NDUFA10: variants seen among roughly 807,000 people sequenced by gnomAD.
NDUFA10 encodes NADH:ubiquinone oxidoreductase subunit A10.
A neutral mutation model predicts 47.8 loss-of-function variants in NDUFA10; 40 were observed. That is an observed-to-expected ratio of 0.84 (90% CI 0.65 to 1.09). The LOEUF is 1.09. NDUFA10 is among the 50% of genes least tolerant of loss of function. The pLI is 0.00. For missense variants in NDUFA10, 413 were observed against 451.1 expected (o/e 0.92, Z 0.76); for synonymous variants, 183 against 172.2 (o/e 1.06, Z -0.49).
At chr2:239,981,449 C>T (rs1333820055) in intron 9 of NDUFA10, among the ~76,000 whole-genome samples, 2 of 152,090 alleles carry the variant, frequency 1.3e-5, no homozygotes, top group African/African-American at 4.8e-5. Context: ...GGGGGAATTA[C>T]CAACAAGGAA....
At chr2:240,024,290 A>T (rs921946470) in intron 1 of NDUFA10, among the ~76,000 whole-genome samples, 4 of 152,262 alleles carry the variant, frequency 2.6e-5, no homozygotes, top group Non-Finnish European at 4.4e-5. Flanking sequence ...GTGATTAAAA[A>T]GAAATGAGTT....
At position 239,964,236 on chromosome 2, in the gene NDUFA10, G is replaced by A. The variant is rs563272428; in HGVS notation, c.1000-3050C>T. On this transcript the variant is annotated intron_variant, in intron 9 of 9. Transcript: ENST00000252711. Reference sequence around the variant, plus strand: ...CTGGGAGATCATCTGGGTTATCTGGGTGGGCCCCAGGCCATCACTAGGGTC... The same window carrying A: ...CTGGGAGATCATCTGGGTTATCTGGATGGGCCCCAGGCCATCACTAGGGTC... Among the ~76,000 whole-genome samples, 9 of 152,298 alleles carry A rather than the reference G, an allele frequency of 5.9e-5. No homozygotes were observed. In the South Asian group the frequency reaches 1.9e-3, roughly 32 times the overall value.
intron 4 of NDUFA10, among the ~76,000 whole-genome samples, chr2:239,941,967 C>T (rs1694367352): frequency 6.6e-6 from 1 of 152,130 alleles, no homozygotes; most frequent in Non-Finnish European, 1.5e-5. Context: ...GAATTTTCTG[C>T]ACCAAAACAG....
chr2:239,935,610 C>T (rs1160958909), intron 4 of NDUFA10, among the ~76,000 whole-genome samples: 4 of 152,184 alleles, frequency 2.6e-5, no homozygotes, highest in Non-Finnish European at 2.9e-5. Flanking sequence ...CCACCCAAAT[C>T]TCATCTGGAA....
chr2:240,020,499 T>C (rs947096975), intron 3 of NDUFA10, among the ~76,000 whole-genome samples: 1 of 152,190 alleles, frequency 6.6e-6, no homozygotes, highest in African/African-American at 2.4e-5. Flanking sequence ...ATGATTACAG[T>C]AACCCGTCGC....
At chr2:240,017,125 A>T (rs984117616) in intron 4 of NDUFA10, among the ~76,000 whole-genome samples, 4 of 152,054 alleles carry the variant, frequency 2.6e-5, no homozygotes, top group Non-Finnish European at 4.4e-5. Flanking sequence ...TCCTCACCAA[A>T]TGCATCCTTC....
At chr2:239,955,844 C>T (rs1051788132), downstream of NDUFA10, among the ~76,000 whole-genome samples, 1 of 152,180 alleles carries the variant, frequency 6.6e-6, no homozygotes, top group East Asian at 1.9e-4. Flanking sequence ...GTGGGCACGG[C>T]TCTCAGCAGA....
chr2:239,996,165 A>T (rs1356790345), intron 8 of NDUFA10, among the ~76,000 whole-genome samples: 1 of 152,198 alleles, frequency 6.6e-6, no homozygotes, highest in Non-Finnish European at 1.5e-5. Context: ...ATCAGTAAGG[A>T]TACCGATGAC....
At chr2:239,905,388 G>A (rs551698589) in intron 4 of NDUFA10, among the ~76,000 whole-genome samples, 7 of 152,220 alleles carry the variant, frequency 4.6e-5, no homozygotes, top group Non-Finnish European at 8.8e-5. Flanking sequence ...GGCACCACAT[G>A]TGCTCCTGGG....
At chr2:239,929,698 T>C (rs1574785200) in intron 4 of NDUFA10, among the ~76,000 whole-genome samples, 2 of 126,912 alleles carry the variant, frequency 1.6e-5, no homozygotes, top group East Asian at 2.7e-4. Context: ...GCTCCTCCAC[T>C]GCTCTTGCTC....
intron 2 of NDUFA10, among the ~76,000 whole-genome samples, chr2:240,021,930 A>G (rs1697639405): frequency 6.6e-6 from 1 of 152,230 alleles, no homozygotes; most frequent in Non-Finnish European, 1.5e-5. Context: ...TAAAATTCCA[A>G]TTCAAATTGA....
At chr2:239,917,513 C>A (rs1027884087) in intron 4 of NDUFA10, among the ~76,000 whole-genome samples, 9 of 152,306 alleles carry the variant, frequency 5.9e-5, no homozygotes, top group African/African-American at 2.2e-4. Context: ...GATCCAGCCA[C>A]CTGGACACCA....
At chr2:240,020,198 TC>T (rs1697562456) in intron 3 of NDUFA10, among the ~76,000 whole-genome samples, 1 of 152,176 alleles carries the variant, frequency 6.6e-6, no homozygotes, top group Non-Finnish European at 1.5e-5. Context: ...AAAACCACAT[TC>T]TTGTTCTCAC....
At chr2:239,921,227 C>T (rs73101735) in intron 4 of NDUFA10, among the ~76,000 whole-genome samples, 13,562 of 151,794 alleles carry the variant, frequency 0.089, 658 homozygotes, top group Admixed American at 0.13. Context: ...CTGCTGTGTC[C>T]AGAGCTGCTT....
rs112717235 is a variant in NDUFA10, at chr2:239,960,662, A to C, written c.*456T>G. 2.4e-5 allele frequency: 26 copies of C among 1,087,288 alleles called. No individual in the cohort carries two copies. The African/African-American group carries it at 3.9e-4, about 16-fold the overall frequency. The allele number at this position is 1,087,288 out of a possible 1,614,324, so 67.4% of individuals were successfully genotyped here. A position where few individuals can be genotyped will look rare whatever the true frequency, so the allele number is the denominator to read the frequency against. On this transcript the variant is annotated 3_prime_UTR_variant, in exon 10 of 10. Transcript: ENST00000252711. The stretch of plus-strand genomic sequence containing the variant: ...GCCTCAATTAAACCACACCACACCA[A>C]ACAGGGCCCAGAGCAGCGTGTGTGC...
chr2:239,988,696 C>T (rs1696106193), intron 9 of NDUFA10, among the ~76,000 whole-genome samples: 2 of 152,192 alleles, frequency 1.3e-5, no homozygotes, highest in South Asian at 2.1e-4. Context: ...AGACAGGGAA[C>T]GAACACCAAG....
At chr2:240,018,213 T>A (rs1449757402) in intron 4 of NDUFA10, among the ~76,000 whole-genome samples, 1 of 152,136 alleles carries the variant, frequency 6.6e-6, no homozygotes, top group African/African-American at 2.4e-5. Context: ...TCTGTTACAA[T>A]TAGAGCTACA....
chr2:239,978,610 T>A (rs1454846672), intron 9 of NDUFA10, among the ~76,000 whole-genome samples: 1 of 152,246 alleles, frequency 6.6e-6, no homozygotes, highest in Non-Finnish European at 1.5e-5. Flanking sequence ...CCACAGGCAC[T>A]TCTGTCCCTC....
intron 9 of NDUFA10, among the ~76,000 whole-genome samples, chr2:239,988,379 T>C (rs747979863): frequency 6.6e-6 from 1 of 152,004 alleles, no homozygotes; most frequent in Non-Finnish European, 1.5e-5. Context: ...CCCTAAAACA[T>C]ACATGAGACA....
Sources: gnomAD v4.1 joint callset for allele counts (sites outside exome capture counted in the v4.1 genomes callset) on GRCh38, gnomAD v4.1.1 for gene constraint, MANE v1.5 for transcripts, NCBI Gene and HGNC (gene_info 2026-07-23, HGNC 2026-07-21) for gene names.